STUM: variants seen among roughly 807,000 people sequenced by gnomAD.
The protein encoded by STUM is stum, mechanosensory transduction mediator homolog.
In STUM, 8 loss-of-function variants were observed where a neutral mutation model predicts 15.3. The observed-to-expected ratio is 0.52, with a 90% CI of 0.31 to 0.94. The LOEUF (loss-of-function observed/expected upper bound fraction) is 0.94. Ranked by LOEUF, STUM falls within the 40% of genes least tolerant of loss-of-function variation. The probability of loss-of-function intolerance (pLI) is 0.05; values close to 1 mark genes in which losing one functional copy is unlikely to be tolerated. For missense variants in STUM, 142 were observed against 204.9 expected (o/e 0.69, Z 1.87); for synonymous variants, 78 against 88.7 (o/e 0.88, Z 0.68).
chr1:226,599,836 T>A (rs926295134), intron 2 of STUM, among the ~76,000 whole-genome samples: 1 of 152,250 alleles, frequency 6.6e-6, no homozygotes, highest in East Asian at 1.9e-4. Flanking sequence ...CATGACACTT[T>A]CTGGTGACCA....
At chr1:226,569,650 C>T (rs1667675538) in intron 1 of STUM, among the ~76,000 whole-genome samples, 1 of 152,148 alleles carries the variant, frequency 6.6e-6, no homozygotes, top group Admixed American at 6.5e-5. Context: ...AGATAACTTG[C>T]ATTGTTTGAA....
intron 1 of STUM, among the ~76,000 whole-genome samples, chr1:226,562,329 TGTG>T (rs1338087059): frequency 2.6e-5 from 4 of 151,442 alleles, no homozygotes; most frequent in African/African-American, 9.7e-5. Context: ...ATTAGCCAGG[TGTG>T]GTGGTGCATG....
intron 3 of STUM, among the ~76,000 whole-genome samples, chr1:226,601,212 C>T (rs910734536): frequency 5.3e-5 from 8 of 152,044 alleles, no homozygotes; most frequent in East Asian, 1.9e-4. Context: ...CTGCAACCTC[C>T]GCCTCCTGGG....
At chr1:226,559,749 G>A (rs1259400450) in intron 1 of STUM, among the ~76,000 whole-genome samples, 1 of 152,226 alleles carries the variant, frequency 6.6e-6, no homozygotes, top group Non-Finnish European at 1.5e-5. Context: ...CAAGGTGGGA[G>A]GATCACGAGG....
intron 1 of STUM, among the ~76,000 whole-genome samples, chr1:226,581,067 G>T (rs1393826216): frequency 6.6e-6 from 1 of 152,218 alleles, no homozygotes; most frequent in South Asian, 2.1e-4. Context: ...CTTCTTTCCA[G>T]CCCATAGGAA....
intron 1 of STUM, among the ~76,000 whole-genome samples, chr1:226,557,079 A>G (rs1398859513): frequency 7.0e-6 from 1 of 143,876 alleles, no homozygotes; most frequent in Non-Finnish European, 1.6e-5. Context: ...CAAAAAAGGG[A>G]AAAAATCTTA....
rs1420132654 is a variant in STUM, at chr1:226,565,182, C to T, written c.202+16076C>T. ...AATTCCATTCTACAGCCCCCTTCTA[C>T]TACCCCAGCCCTCTCCGCCCAACAA... On this transcript the variant is annotated intron_variant, in intron 1 of 3. Coordinates refer to ENST00000366788, the MANE Select transcript of STUM (RefSeq NM_001003665.4). This position sits in a 1 kb window ranked among gnomAD's most constrained non-coding sequence, Gnocchi z 4.4. Among the ~76,000 whole-genome samples, 1 of 152,188 alleles carries T rather than the reference C, an allele frequency of 6.6e-6. No individual in the cohort carries two copies. The highest frequency in any genetic ancestry group is 1.9e-4 in the East Asian group (1 of 5,184).
Position 226,606,651 on chromosome 1 carries a change from C to A in STUM, c.*4611C>A, listed in dbSNP as rs1250467742. 1 of 152,226 alleles carries A rather than the reference C, an allele frequency of 6.6e-6. No homozygotes were observed. The highest frequency in any genetic ancestry group is 1.5e-5 in the Non-Finnish European group (1 of 68,074). The allele number at this position is 152,226 out of a possible 1,614,324, so 9.4% of individuals were successfully genotyped here. On this transcript the variant is annotated 3_prime_UTR_variant, in exon 4 of 4. Coordinates refer to ENST00000366788, the MANE Select transcript of STUM (RefSeq NM_001003665.4). Reference sequence around the variant, plus strand: ...AGCACTTTTAAAGCACACCCCACCCCCTGCACCCGAGCGGCACCTAAGCTT... The same window carrying A: ...AGCACTTTTAAAGCACACCCCACCCACTGCACCCGAGCGGCACCTAAGCTT...
intron 1 of STUM, among the ~76,000 whole-genome samples, chr1:226,574,584 G>A (rs1203749695): frequency 6.6e-6 from 1 of 152,180 alleles, no homozygotes; most frequent in Non-Finnish European, 1.5e-5. Context: ...TGGGAATTGG[G>A]GGCCAAGGTC....
Position 226,596,888 on chromosome 1 carries a change from A to G in STUM, c.289A>G (p.Ile97Val), listed in dbSNP as rs924285158. The G allele has an allele frequency of 3.7e-6, 6 of 1,614,084 alleles. No homozygotes were observed. Among genetic ancestry groups the G allele is most frequent in the African/African-American group, 1.3e-5 (1 of 74,946 alleles). Residue 97 changes from isoleucine (I) to valine (V), a missense_variant, in exon 2 of 4, where the codon ATT becomes GTT. This residue lies in a region of STUM where 29 missense variants were observed against 70.5 expected (regional missense o/e 0.41). Transcript: ENST00000366788. Reference sequence around the variant, plus strand: ...TGTGTGCTGCGTCTTCTGGCTGAACATTGCAGCAGCCCTCATCCAAATCCT... The same window carrying G: ...TGTGTGCTGCGTCTTCTGGCTGAACGTTGCAGCAGCCCTCATCCAAATCCT... Reference protein sequence around the residue: ...RHVCCVFWLNIAAALIQILTA... With the variant: ...RHVCCVFWLNVAAALIQILTA...
intron 1 of STUM, among the ~76,000 whole-genome samples, chr1:226,553,849 A>G (rs1235337317): frequency 3.3e-5 from 5 of 152,254 alleles, no homozygotes; most frequent in East Asian, 3.8e-4. Context: ...CTACTTAAGA[A>G]TAGCTATAAA....
At chr1:226,558,175 A>G (rs1038886007) in intron 1 of STUM, among the ~76,000 whole-genome samples, 1 of 152,226 alleles carries the variant, frequency 6.6e-6, no homozygotes, top group Non-Finnish European at 1.5e-5. Context: ...TCCAAATAGG[A>G]AAGGAAGAAG....
At chr1:226,591,983 G>A (rs558077649) in intron 1 of STUM, among the ~76,000 whole-genome samples, 4 of 152,034 alleles carry the variant, frequency 2.6e-5, no homozygotes, top group Non-Finnish European at 5.9e-5. Context: ...GGATGGGAAG[G>A]AGTGGGTTCA....
At chr1:226,560,290 C>A (rs900059283) in intron 1 of STUM, among the ~76,000 whole-genome samples, 3 of 152,192 alleles carry the variant, frequency 2.0e-5, no homozygotes, top group Non-Finnish European at 4.4e-5. Context: ...TTTAATGTGA[C>A]AGGAACACCT....
At position 226,567,029 on chromosome 1, in the gene STUM, T is replaced by C. The variant is rs1048855962; in HGVS notation, c.202+17923T>C. On this transcript the variant is annotated intron_variant, in intron 1 of 3. Transcript: ENST00000366788. The surrounding 1 kb of genome is among the most constrained non-coding windows in gnomAD (Gnocchi z 4.5). ...CTGCAAATAAGATTCCAAGAATCCA[T>C]GTTAGGACAGAGACCTGGATTTCTA... is the stretch of plus-strand genomic sequence containing the variant. 2.0e-5 allele frequency among the ~76,000 whole-genome samples: 3 copies of C among 152,180 alleles called. No individual in the cohort carries two copies. Among genetic ancestry groups the C allele is most frequent in the African/African-American group, 7.2e-5 (3 of 41,438 alleles).
chr1:226,564,078 T>C (rs1667584109), intron 1 of STUM, among the ~76,000 whole-genome samples: 2 of 152,168 alleles, frequency 1.3e-5, no homozygotes, highest in Admixed American at 6.5e-5. Context: ...TGCTTGGGAA[T>C]TGATTGGGGC....
intron 1 of STUM, among the ~76,000 whole-genome samples, chr1:226,558,792 A>G (rs1667492240): frequency 6.6e-6 from 1 of 152,284 alleles, no homozygotes; most frequent in East Asian, 1.9e-4. Context: ...CTGGGTTTGA[A>G]AATCTCTGTG....
intron 1 of STUM, among the ~76,000 whole-genome samples, chr1:226,591,557 C>T (rs2102708247): frequency 6.6e-6 from 1 of 152,282 alleles, no homozygotes; most frequent in Non-Finnish European, 1.5e-5. Context: ...GCACTGGGCT[C>T]ACCAGGCCTT....
At chr1:226,584,817 A>G (rs1667972601) in intron 1 of STUM, among the ~76,000 whole-genome samples, 1 of 152,226 alleles carries the variant, frequency 6.6e-6, no homozygotes, top group Non-Finnish European at 1.5e-5. Flanking sequence ...GCAGCTAGTG[A>G]GGAGCTAACT....
Sources: allele counts gnomAD v4.1 joint callset (sites outside exome capture counted in the v4.1 genomes callset), GRCh38; gene constraint gnomAD v4.1.1; regional missense constraint gnomAD v4.1.1; non-coding constraint Gnocchi (gnomAD v3.1); transcripts MANE v1.5; gene names NCBI Gene and HGNC (gene_info 2026-07-23, HGNC 2026-07-21).